PRKN: variants seen among roughly 807,000 people sequenced by gnomAD.
PRKN encodes the protein parkin RBR E3 ubiquitin protein ligase.
A neutral mutation model predicts 59.5 loss-of-function variants in PRKN; 56 were observed. The observed-to-expected ratio is 0.94, with a 90% CI of 0.76 to 1.18. The LOEUF (loss-of-function observed/expected upper bound fraction) is 1.18, where lower values mean the gene tolerates loss of function less well. PRKN is among the 50% of genes most tolerant of loss of function. PRKN has a pLI of 0.00. For missense variants in PRKN, 657 were observed against 596.4 expected (o/e 1.10, Z -1.06); for synonymous variants, 250 against 222.1 (o/e 1.13, Z -1.12).
intron 7 of PRKN, among the ~76,000 whole-genome samples, chr6:161,695,996 G>C (rs7743476): frequency 6.6e-6 from 1 of 152,162 alleles, no homozygotes; most frequent in Non-Finnish European, 1.5e-5. Flanking sequence ...TCTCATATCT[G>C]CATAGAACAT....
At chr6:162,442,800 A>G (rs1790121097) in intron 2 of PRKN, among the ~76,000 whole-genome samples, 1 of 152,128 alleles carries the variant, frequency 6.6e-6, no homozygotes, top group African/African-American at 2.4e-5. Flanking sequence ...GGTCCTGGCC[A>G]AGGAGTGCCC....
chr6:161,991,470 C>G (rs1457694668), intron 5 of PRKN, among the ~76,000 whole-genome samples: 2 of 152,164 alleles, frequency 1.3e-5, no homozygotes, highest in African/African-American at 4.8e-5. Context: ...TAAGTCTTTA[C>G]TCATTAATAA....
intron 2 of PRKN, among the ~76,000 whole-genome samples, chr6:162,343,779 GCAAAATTTAAA>G (rs1253571789): frequency 6.6e-6 from 1 of 152,094 alleles, no homozygotes; most frequent in Non-Finnish European, 1.5e-5. Flanking sequence ...TGCAAGATAT[GCAAAATTTAAA>G]CAGTTAAAAT....
intron 2 of PRKN, among the ~76,000 whole-genome samples, chr6:162,418,354 G>A (rs1453997932): frequency 1.3e-5 from 2 of 152,170 alleles, no homozygotes; most frequent in Admixed American, 6.5e-5. Flanking sequence ...AAAAGGGAAT[G>A]ACTGCTACTG....
At chr6:161,596,416 A>G (rs987238545) in intron 7 of PRKN, among the ~76,000 whole-genome samples, 3 of 152,340 alleles carry the variant, frequency 2.0e-5, no homozygotes, top group African/African-American at 7.2e-5. Context: ...TGCTTATTGT[A>G]TAGGAAAACA....
chr6:162,351,262 T>C (rs1583425092), intron 2 of PRKN, among the ~76,000 whole-genome samples: 1 of 151,984 alleles, frequency 6.6e-6, no homozygotes, highest in East Asian at 1.9e-4. Flanking sequence ...AATAAAAAAA[T>C]GGGCAAAAGA....
rs1782608816 is a variant in PRKN, at chr6:162,011,018, T to TTATAATATATAA, written c.619-37613_619-37602dup. ...TAACATAATATATTTATAATATATA[T>TTATAATATATAA]TATAATATATAATTATAATATATAT... is the stretch of plus-strand genomic sequence containing the variant. On this transcript the variant is annotated intron_variant, in intron 5 of 11. Coordinates refer to ENST00000366898, the MANE Select transcript of PRKN (RefSeq NM_004562.3). 1.5e-3 allele frequency among the ~76,000 whole-genome samples: 18 copies of TTATAATATATAA among 11,986 alleles called. 7 individuals carry two copies. The African/African-American group carries it at 0.022, about 15-fold the overall frequency. The allele number at this position is 11,986 out of a possible 152,430, so 7.9% of individuals were successfully genotyped here. A position where few individuals can be genotyped will look rare whatever the true frequency, so the allele number is the denominator to read the frequency against.
intron 4 of PRKN, among the ~76,000 whole-genome samples, chr6:162,093,978 G>A (rs1779621055): frequency 6.6e-6 from 1 of 152,146 alleles, no homozygotes; most frequent in Admixed American, 6.5e-5. Context: ...TGCAGAATCA[G>A]TCAGAAGACA....
chr6:162,500,229 G>A (rs972869416), intron 1 of PRKN, among the ~76,000 whole-genome samples: 6 of 149,820 alleles, frequency 4.0e-5, no homozygotes, highest in African/African-American at 1.5e-4. Context: ...CTGGAGTGCA[G>A]TGCATGATAT....
At chr6:162,665,772 T>A (rs913049666) in intron 1 of PRKN, among the ~76,000 whole-genome samples, 1 of 152,178 alleles carries the variant, frequency 6.6e-6, no homozygotes, top group Non-Finnish European at 1.5e-5. Context: ...GCTACCTGAC[T>A]TCAAACTATA....
chr6:162,664,745 G>C (rs960551650), intron 1 of PRKN, among the ~76,000 whole-genome samples: 1 of 151,114 alleles, frequency 6.6e-6, no homozygotes, highest in Admixed American at 6.6e-5. Flanking sequence ...TTTTTTTCTT[G>C]TAAATATGTT....
chr6:162,498,794 T>C (rs1229228899), intron 1 of PRKN, among the ~76,000 whole-genome samples: 1 of 151,460 alleles, frequency 6.6e-6, no homozygotes, highest in East Asian at 1.9e-4. Context: ...AAAGAAATTG[T>C]ATTATTCTGT....
At chr6:162,496,326 A>C (rs965120339) in intron 1 of PRKN, among the ~76,000 whole-genome samples, 2 of 152,234 alleles carry the variant, frequency 1.3e-5, no homozygotes, top group Non-Finnish European at 2.9e-5. Flanking sequence ...TTATACTTGC[A>C]TGAGTAACTT....
chr6:162,547,521 A>C (rs966901587), intron 1 of PRKN, among the ~76,000 whole-genome samples: 4 of 152,194 alleles, frequency 2.6e-5, no homozygotes, highest in Non-Finnish European at 5.9e-5. Flanking sequence ...CACTTAATAG[A>C]GGAGATAAAT....
At chr6:161,752,840 G>C (rs1032209572) in intron 7 of PRKN, among the ~76,000 whole-genome samples, 1 of 152,174 alleles carries the variant, frequency 6.6e-6, no homozygotes, top group African/African-American at 2.4e-5. Context: ...GTGGCCCAAA[G>C]ACAGAGGGTA....
chr6:161,539,282 C>T (rs943697257), intron 9 of PRKN, among the ~76,000 whole-genome samples: 1 of 152,144 alleles, frequency 6.6e-6, no homozygotes, highest in African/African-American at 2.4e-5. Flanking sequence ...CCCTATTTTG[C>T]GAAGGTAAAT....
rs1784912815 is a variant in PRKN at position 161,360,045 on chromosome 6, A to G, written c.1285+43T>C. 6 of 1,397,544 alleles carry G rather than the reference A, an allele frequency of 4.3e-6. No individual in the cohort carries two copies. Among genetic ancestry groups the G allele is most frequent in the African/African-American group, 1.4e-5 (1 of 70,918 alleles). 86.6% of individuals were successfully genotyped at this position (1,397,544 alleles called of 1,614,324 possible). On this transcript the variant is annotated intron_variant, in intron 11 of 11. Coordinates refer to ENST00000366898, the MANE Select transcript of PRKN (RefSeq NM_004562.3). The surrounding 1 kb of genome is among the most constrained non-coding windows in gnomAD (Gnocchi z 5.1). ...CCCTGATGGGTATGATTCTCCCCCAAAGAGCACACGACATCCTCATTCTCT... is the reference window on the plus strand; with the variant it reads ...CCCTGATGGGTATGATTCTCCCCCAGAGAGCACACGACATCCTCATTCTCT...
intron 2 of PRKN, among the ~76,000 whole-genome samples, chr6:162,437,311 G>A (rs1789824865): frequency 6.6e-6 from 1 of 152,016 alleles, no homozygotes; most frequent in Non-Finnish European, 1.5e-5. Context: ...CTAAGAAAGT[G>A]ATAGTTTCAA....
intron 4 of PRKN, among the ~76,000 whole-genome samples, chr6:162,168,078 G>A (rs1783070864): frequency 6.6e-6 from 1 of 152,008 alleles, no homozygotes; most frequent in Admixed American, 6.6e-5. Flanking sequence ...TGCTCTTCTT[G>A]GAGTAAAATT....
Sources: allele counts gnomAD v4.1 joint callset (sites outside exome capture counted in the v4.1 genomes callset), GRCh38; gene constraint gnomAD v4.1.1; non-coding constraint Gnocchi (gnomAD v3.1); transcripts MANE v1.5; gene names NCBI Gene and HGNC (gene_info 2026-07-23, HGNC 2026-07-21).